The following S100Z variants were observed in gnomAD, a reference collection of about 807,000 sequenced individuals.
The protein encoded by S100Z is S100 calcium binding protein Z, also known as protein S100-Z.
Under a neutral mutation model 8.5 loss-of-function variants are expected in S100Z, and 11 were observed. The observed-to-expected ratio is 1.30, with a 90% confidence interval of 0.82 to 2.15. The LOEUF (loss-of-function observed/expected upper bound fraction) is 2.15, where lower values mean the gene tolerates loss of function less well. S100Z is among the 30% of genes most tolerant of loss of function. S100Z has a pLI of 0.00. For missense variants in S100Z, 126 were observed against 117.9 expected, an observed-to-expected ratio of 1.07 and a Z score of -0.32; for synonymous variants, 34 against 43.8, an observed-to-expected ratio of 0.78 and a Z score of 0.89.
At chr5:76,879,075 C>A (rs1355751578) in intron 4 of S100Z, among the ~76,000 whole-genome samples, 1 of 152,070 alleles carries the variant, frequency 6.6e-6, no homozygotes, top group Non-Finnish European at 1.5e-5. Context: ...TAGTTCTGGA[C>A]AATGTGAGAC....
Position 76,889,350 on chromosome 5 carries a change from A to G in S100Z, c.*2+11516A>G, listed in dbSNP as rs997506450. The stretch of plus-strand genomic sequence containing the variant: ...GCTCATTGAAGCCGTATCATTTAGA[A>G]GAAAAAATTTTTTAAAAATTGAACA... On this transcript the variant is annotated intron_variant, in intron 4 of 4. Transcript: ENST00000317593. 3.2e-4 allele frequency among the ~76,000 whole-genome samples: 48 copies of G among 152,330 alleles called. 1 individual carries two copies. The highest frequency in any genetic ancestry group is 1.1e-3 in the African/African-American group (46 of 41,562).
chr5:76,943,221 C>T, the S100Z span, among the ~76,000 whole-genome samples: 50 of 152,152 alleles, frequency 3.3e-4, no homozygotes, highest in African/African-American at 1.1e-3. Flanking sequence ...ATTTGAGGAC[C>T]GAAACAGCTA....
At chr5:76,932,158 G>C in the S100Z span, among the ~76,000 whole-genome samples, 1 of 151,966 alleles carries the variant, frequency 6.6e-6, no homozygotes, top group Non-Finnish European at 1.5e-5. Flanking sequence ...TTTCTCCCCA[G>C]TGAAAAGATA....
the S100Z span, among the ~76,000 whole-genome samples, chr5:76,940,076 G>A: frequency 6.7e-6 from 1 of 149,434 alleles, no homozygotes; most frequent in Non-Finnish European, 1.5e-5. Context: ...AGAATCACTT[G>A]AGCCCAGAAG....
chr5:76,941,774 T>C, the S100Z span, among the ~76,000 whole-genome samples: 11 of 152,236 alleles, frequency 7.2e-5, no homozygotes, highest in South Asian at 1.9e-3. Context: ...GAAGTGCACT[T>C]TTAAGGAGCG....
intron 1 of S100Z, among the ~76,000 whole-genome samples, chr5:76,859,866 C>A (rs1751005313): frequency 6.6e-6 from 1 of 151,766 alleles, no homozygotes; most frequent in Admixed American, 6.6e-5. Context: ...AATGATGCAA[C>A]CACAATTAGC....
chr5:76,909,569 C>T (rs1394090406), intron 4 of S100Z, among the ~76,000 whole-genome samples: 1 of 152,156 alleles, frequency 6.6e-6, no homozygotes. Flanking sequence ...ATCCTAGCCT[C>T]CCTATAGCTC....
At chr5:76,920,396 G>C (rs1745001398) in intron 4 of S100Z, among the ~76,000 whole-genome samples, 1 of 151,964 alleles carries the variant, frequency 6.6e-6, no homozygotes, top group African/African-American at 2.4e-5. Context: ...ACATTTTCTT[G>C]CAATTGGCAT....
At chr5:76,917,364 C>G (rs79287593) in intron 4 of S100Z, among the ~76,000 whole-genome samples, 3,122 of 152,198 alleles carry the variant, frequency 0.021, 38 homozygotes, top group Non-Finnish European at 0.032. Context: ...TAGATAGTCA[C>G]AATAATTCTG....
At chr5:76,937,931 T>A in the S100Z span, among the ~76,000 whole-genome samples, 1 of 151,930 alleles carries the variant, frequency 6.6e-6, no homozygotes, top group African/African-American at 2.4e-5. Flanking sequence ...AAACCCTGTC[T>A]CTACAAAAAA....
intron 1 of S100Z, among the ~76,000 whole-genome samples, chr5:76,865,150 C>G (rs925123556): frequency 2.0e-5 from 3 of 152,106 alleles, no homozygotes; most frequent in Non-Finnish European, 4.4e-5. Context: ...CTGAGACCTT[C>G]CAGTGGGATG....
At chr5:76,854,856 G>T (rs1333844766) in intron 1 of S100Z, among the ~76,000 whole-genome samples, 2 of 152,262 alleles carry the variant, frequency 1.3e-5, no homozygotes, top group African/African-American at 4.8e-5. Flanking sequence ...AAAGGCCTAG[G>T]AGGGAAGAAT....
chr5:76,888,752 T>C (rs908793471), intron 4 of S100Z, among the ~76,000 whole-genome samples: 1 of 152,154 alleles, frequency 6.6e-6, no homozygotes, highest in African/African-American at 2.4e-5. Context: ...TGGAAAAGTT[T>C]CTTGTAAAGC....
rs1048536168 is a variant in S100Z at position 76,866,380 on chromosome 5, T to G, written c.-175-3786T>G. On this transcript the variant is annotated intron_variant, in intron 1 of 4. Transcript: ENST00000317593. ...GATTACAGATATGAGCCACCACACCTGGCCATGAAAAGTATTATAAAATAA... is the reference window on the plus strand; with the variant it reads ...GATTACAGATATGAGCCACCACACCGGGCCATGAAAAGTATTATAAAATAA... 2.0e-5 allele frequency among the ~76,000 whole-genome samples: 3 copies of G among 152,104 alleles called. No individual in the cohort carries two copies. In the East Asian group the frequency reaches 5.8e-4, roughly 29 times the overall value.
At chr5:76,922,820 G>C (rs553833511), downstream of S100Z, among the ~76,000 whole-genome samples, 55 of 152,248 alleles carry the variant, frequency 3.6e-4, no homozygotes, top group African/African-American at 1.3e-3. Flanking sequence ...ACCATGCCTA[G>C]CCAAAGAGAG....
intron 4 of S100Z, among the ~76,000 whole-genome samples, chr5:76,919,149 C>T (rs888596521): frequency 6.6e-6 from 1 of 152,158 alleles, no homozygotes; most frequent in Non-Finnish European, 1.5e-5. Context: ...TTGCTATAAA[C>T]AGTCATGTGC....
At chr5:76,867,319 C>T (rs1211293166) in intron 1 of S100Z, among the ~76,000 whole-genome samples, 1 of 152,110 alleles carries the variant, frequency 6.6e-6, no homozygotes, top group Non-Finnish European at 1.5e-5. Flanking sequence ...CATAAAAAGA[C>T]AAAAACTGGA....
At chr5:76,876,497 TA>T (rs1743198628) in intron 3 of S100Z, among the ~76,000 whole-genome samples, 1 of 151,772 alleles carries the variant, frequency 6.6e-6, no homozygotes, top group Admixed American at 6.6e-5. Context: ...GCCTCCGGAG[TA>T]ACTGGGATTA....
intron 1 of S100Z, among the ~76,000 whole-genome samples, chr5:76,852,898 G>A (rs1750770220): frequency 6.6e-6 from 1 of 152,172 alleles, no homozygotes; most frequent in South Asian, 2.1e-4. Context: ...CTTATCAGCT[G>A]GGCTATTCAT....
Sources: allele counts gnomAD v4.1 joint callset (sites outside exome capture counted in the v4.1 genomes callset), GRCh38; gene constraint gnomAD v4.1.1; transcripts MANE v1.5; gene names NCBI Gene and HGNC (gene_info 2026-07-23, HGNC 2026-07-21).